ADCY1: variants seen among roughly 807,000 people sequenced by gnomAD.
The protein encoded by ADCY1 is adenylate cyclase 1.
ADCY1 carries 28 observed loss-of-function variants against 105.4 expected under a neutral mutation model. The observed-to-expected ratio is 0.27, with a 90% CI of 0.20 to 0.36. The LOEUF is 0.36. Ranked by LOEUF, ADCY1 falls within the 10% of genes least tolerant of loss-of-function variation. The pLI is 1.00. For missense variants in ADCY1, 977 were observed against 1,434.2 expected, an observed-to-expected ratio of 0.68 and a Z score of 5.15; for synonymous variants, 655 against 623.8, an observed-to-expected ratio of 1.05 and a Z score of -0.75.
Position 45,703,271 on chromosome 7 carries a change from C to T in ADCY1, c.2455-105C>T. On this transcript the variant is annotated intron_variant, in intron 14 of 19. Transcript: ENST00000297323. This position sits in a 1 kb window ranked among gnomAD's most constrained non-coding sequence, Gnocchi z 5.9. Reference sequence around the variant, plus strand: ...GGACAGGAGCGTGGATGTAGACCATCAGCACACCTGGAGTCCAGTTTGGAT... The same window carrying T: ...GGACAGGAGCGTGGATGTAGACCATTAGCACACCTGGAGTCCAGTTTGGAT... 1 of 1,043,430 alleles carries T rather than the reference C, an allele frequency of 9.6e-7. No homozygotes were observed. Among genetic ancestry groups the T allele is most frequent in the Non-Finnish European group, 1.5e-6 (1 of 670,334 alleles). The allele number at this position is 1,043,430 out of a possible 1,614,324, so 64.6% of individuals were successfully genotyped here. A position where few individuals can be genotyped will look rare whatever the true frequency, so the allele number is the denominator to read the frequency against.
At chr7:45,615,013 A>G (rs753580377) in intron 3 of ADCY1, among the ~76,000 whole-genome samples, 2 of 152,228 alleles carry the variant, frequency 1.3e-5, no homozygotes, top group African/African-American at 2.4e-5. Context: ...TAATAACACT[A>G]TAGACTAAAT....
intron 16 of ADCY1, 63 bp from the exon 17 acceptor site, chr7:45,704,455 A>G: frequency 6.8e-7 from 1 of 1,464,184 alleles, no homozygotes. Context: ...CTGGGGGCTG[A>G]CGGCTGCAGC....
intron 6 of ADCY1, 141 bp from the exon 7 acceptor site, chr7:45,659,901 A>T (rs1795049275): frequency 7.6e-6 from 8 of 1,045,760 alleles, no homozygotes; most frequent in Admixed American, 2.6e-5. Context: ...ACGGACTTGC[A>T]TGGGAGCATG....
chr7:45,646,528 G>A (rs1051379228), intron 4 of ADCY1, among the ~76,000 whole-genome samples: 5 of 152,200 alleles, frequency 3.3e-5, no homozygotes, highest in Non-Finnish European at 7.3e-5. Context: ...ACTGCACAGA[G>A]ACCCTTGCCC....
chr7:45,675,240 C>T (rs1342575440), intron 8 of ADCY1, among the ~76,000 whole-genome samples: 2 of 152,024 alleles, frequency 1.3e-5, no homozygotes, highest in Admixed American at 6.5e-5. Context: ...ATTATTTTTA[C>T]ATAACATTAC....
chr7:45,609,021 T>TAC (rs527712218), intron 2 of ADCY1, among the ~76,000 whole-genome samples: 52 of 152,312 alleles, frequency 3.4e-4, no homozygotes, highest in African/African-American at 1.3e-3. Flanking sequence ...GGAAGTAACT[T>TAC]ACCAGGGGAA....
At chr7:45,692,551 A>G (rs1014847541) in intron 14 of ADCY1, among the ~76,000 whole-genome samples, 2 of 152,220 alleles carry the variant, frequency 1.3e-5, no homozygotes, top group African/African-American at 4.8e-5. Flanking sequence ...AGCCAAGGAA[A>G]GGGCAGAGTG....
At chr7:45,642,702 T>G (rs182255930) in intron 4 of ADCY1, among the ~76,000 whole-genome samples, 3 of 152,304 alleles carry the variant, frequency 2.0e-5, no homozygotes, top group Non-Finnish European at 4.4e-5. Context: ...TCTTGCCAGG[T>G]TGAGGTTGAT....
intron 5 of ADCY1, among the ~76,000 whole-genome samples, chr7:45,649,514 G>A (rs1033434261): frequency 5.3e-5 from 8 of 152,202 alleles, no homozygotes; most frequent in East Asian, 3.8e-4. Flanking sequence ...TACCTGGAGC[G>A]GAAAAGTAGT....
chr7:45,704,497 A>C, intron 16 of ADCY1, 21 bp from the exon 17 acceptor site: 2 of 1,607,120 alleles, frequency 1.2e-6, no homozygotes, highest in Non-Finnish European at 1.7e-6. Flanking sequence ...CATGTTTAAC[A>C]GTTTTATGTT....
intron 2 of ADCY1, among the ~76,000 whole-genome samples, chr7:45,598,309 C>G (rs549414518): frequency 6.6e-6 from 1 of 152,310 alleles, no homozygotes; most frequent in East Asian, 1.9e-4. Flanking sequence ...ATCTCCTCAG[C>G]TAAAAAATGC....
chr7:45,663,866 A>T (rs1034641771), intron 8 of ADCY1, among the ~76,000 whole-genome samples: 1 of 152,082 alleles, frequency 6.6e-6, no homozygotes. Context: ...TTGCTCAAAC[A>T]TAGTAAGATG....
chr7:45,714,266 G>A lies in ADCY1; in HGVS notation c.*271G>A, dbSNP rs1036617228. The A allele has an allele frequency of 1.4e-5, 7 of 493,508 alleles. No individual in the cohort carries two copies. The highest frequency in any genetic ancestry group is 3.5e-5 in the Admixed American group (1 of 28,386). The allele number at this position is 493,508 out of a possible 1,614,324, so 30.6% of individuals were successfully genotyped here. ...AGGTGTCCACTCCATCCTTCCCTCC[G>A]TGGCGTAGGGAGCACTGTTTCTTTC... On this transcript the variant is annotated 3_prime_UTR_variant, in exon 20 of 20. Coordinates refer to ENST00000297323, the MANE Select transcript of ADCY1 (RefSeq NM_021116.4).
chr7:45,713,229 T>C (rs1315379556), intron 19 of ADCY1, among the ~76,000 whole-genome samples: 1 of 152,152 alleles, frequency 6.6e-6, no homozygotes, highest in Admixed American at 6.5e-5. Context: ...TTCTCTGTTC[T>C]AGCATCTGGA....
chr7:45,664,862 A>G (rs895750297), intron 8 of ADCY1, among the ~76,000 whole-genome samples: 1 of 152,156 alleles, frequency 6.6e-6, no homozygotes, highest in Non-Finnish European at 1.5e-5. Context: ...TGCTGTACCC[A>G]TCAACCCGTC....
chr7:45,670,451 T>C (rs1784343989), intron 8 of ADCY1, among the ~76,000 whole-genome samples: 1 of 152,176 alleles, frequency 6.6e-6, no homozygotes, highest in Non-Finnish European at 1.5e-5. Flanking sequence ...GGTGGACCAA[T>C]GTCTATTACT....
Position 45,642,575 on chromosome 7 carries a change from TTAG to T in ADCY1, c.1021-6090_1021-6088del, listed in dbSNP as rs565662297. Reference sequence around the variant, plus strand: ...ATGAACTGGTAGATCTTCAGGAGACTTAGTAGTTTCTTGGATCTGCTTTTGTTG... The same window carrying T: ...ATGAACTGGTAGATCTTCAGGAGACTTAGTTTCTTGGATCTGCTTTTGTTG... On this transcript the variant is annotated intron_variant, in intron 4 of 19. Coordinates refer to ENST00000297323, the MANE Select transcript of ADCY1 (RefSeq NM_021116.4). Among the ~76,000 whole-genome samples, 6 of 152,284 alleles carry T rather than the reference TTAG, an allele frequency of 3.9e-5. No individual in the cohort carries two copies. In the South Asian group the frequency reaches 1.2e-3, roughly 32 times the overall value.
intron 8 of ADCY1, among the ~76,000 whole-genome samples, chr7:45,662,800 C>T (rs1400190173): frequency 5.3e-5 from 8 of 152,210 alleles, no homozygotes; most frequent in Admixed American, 5.2e-4. Context: ...TGCCTGATTC[C>T]CCACCCCCGG....
At chr7:45,659,150 C>T (rs1795021471) in intron 6 of ADCY1, among the ~76,000 whole-genome samples, 1 of 152,224 alleles carries the variant, frequency 6.6e-6, no homozygotes, top group Admixed American at 6.5e-5. Flanking sequence ...GGTGGAGCCA[C>T]TGCTGGGAAA....
Sources: allele counts gnomAD v4.1 joint callset (sites outside exome capture counted in the v4.1 genomes callset), GRCh38; gene constraint gnomAD v4.1.1; non-coding constraint Gnocchi (gnomAD v3.1); transcripts MANE v1.5; gene names NCBI Gene and HGNC (gene_info 2026-07-23, HGNC 2026-07-21).